Variants in APOL6 observed in about 807,000 individuals in gnomAD.
APOL6 encodes the protein apolipoprotein L, 6.
Under a neutral mutation model 2.4 loss-of-function variants are expected in APOL6, and 1 was observed. That is an observed-to-expected ratio of 0.41 (90% CI 0.15 to 1.94). The LOEUF (loss-of-function observed/expected upper bound fraction) is 1.94. APOL6 is among the 30% of genes most tolerant of loss of function. APOL6 has a pLI of 0.30. For missense variants in APOL6, 438 were observed against 429.2 expected (o/e 1.02, Z -0.18); for synonymous variants, 189 against 169.3 (o/e 1.12, Z -0.90).
At chr22:35,656,276 G>A in intron 1 of APOL6, 103 bp from the exon 2 acceptor site, 1 of 841,858 alleles carries the variant, frequency 1.2e-6, no homozygotes, top group Non-Finnish European at 2.0e-6. Context: ...TATGCTATGT[G>A]GTTGTTATTT....
In APOL6 at chr22:35,660,106, G is replaced by A. The variant is rs536785757; in HGVS notation, c.*510G>A. 820 of 159,232 alleles carry A rather than the reference G, an allele frequency of 5.1e-3. 5 individuals carry two copies. The highest frequency in any genetic ancestry group is 0.018 in the African/African-American group (765 of 41,608). 9.9% of individuals were successfully genotyped at this position (159,232 alleles called of 1,614,324 possible). A position where few individuals can be genotyped will look rare whatever the true frequency, so the allele number is the denominator to read the frequency against. ...TTAACAAAGAGGTCACAGAGCCACAGGCGGAGTTAGGAACTAAATTGTCTC... is the reference window on the plus strand; with the variant it reads ...TTAACAAAGAGGTCACAGAGCCACAAGCGGAGTTAGGAACTAAATTGTCTC... On this transcript the variant is annotated 3_prime_UTR_variant, in exon 3 of 3. Transcript: ENST00000409652.
chr22:35,654,559 T>C (rs892218364), intron 1 of APOL6, among the ~76,000 whole-genome samples: 5 of 151,534 alleles, frequency 3.3e-5, no homozygotes, highest in African/African-American at 7.3e-5. Context: ...TATATATGTA[T>C]ATATACACAC....
rs896514685 is a variant in APOL6 at position 35,648,533 on chromosome 22, C to G, written c.-138C>G. The G allele has an allele frequency of 6.6e-6, 1 of 152,362 alleles. No individual in the cohort carries two copies. The highest frequency in any genetic ancestry group is 1.5e-5 in the Non-Finnish European group (1 of 68,164). The allele number at this position is 152,362 out of a possible 1,614,324, so 9.4% of individuals were successfully genotyped here. On this transcript the variant is annotated 5_prime_UTR_variant, in exon 1 of 3. Coordinates refer to ENST00000409652, the MANE Select transcript of APOL6 (RefSeq NM_030641.4). ...CAGACACTCACAGCCCCCTGCCAGA[C>G]CAGGGGACCTCGGAGAGGCAAGGAC... is the stretch of plus-strand genomic sequence containing the variant.
At chr22:35,650,725 T>C (rs530667631) in intron 1 of APOL6, among the ~76,000 whole-genome samples, 1 of 151,178 alleles carries the variant, frequency 6.6e-6, no homozygotes, top group Non-Finnish European at 1.5e-5. Flanking sequence ...AGGTCAGGAG[T>C]TCAAGACCAG....
In APOL6 at chr22:35,659,862, T is replaced by C. The variant is rs527290857; in HGVS notation, c.*266T>C. 2 of 436,806 alleles carry C rather than the reference T, an allele frequency of 4.6e-6. No individual in the cohort carries two copies. Among genetic ancestry groups the C allele is most frequent in the Admixed American group, 3.6e-5 (1 of 27,708 alleles). The allele number at this position is 436,806 out of a possible 1,614,324, so 27.1% of individuals were successfully genotyped here. ...CTCACTGCAACCTCTGCCTCCTGAG[T>C]GCAAGCAAGTCTCCTGCCTCAGCCT... On this transcript the variant is annotated 3_prime_UTR_variant, in exon 3 of 3. Coordinates refer to ENST00000409652, the MANE Select transcript of APOL6 (RefSeq NM_030641.4).
At position 35,660,835 on chromosome 22, in the gene APOL6, T is replaced by C. The variant is rs1201419768; in HGVS notation, c.*1239T>C. The C allele has an allele frequency of 3.9e-5, 6 of 152,238 alleles. No individual in the cohort carries two copies. The highest frequency in any genetic ancestry group is 2.9e-5 in the Non-Finnish European group (2 of 68,050). 9.4% of individuals were successfully genotyped at this position (152,238 alleles called of 1,614,324 possible). ...ATGACTCTATCACCTACCAAAAGGC[T>C]CCACTTCTTTATACTATTGGAGGGG... On this transcript the variant is annotated 3_prime_UTR_variant, in exon 3 of 3. Transcript: ENST00000409652.
chr22:35,663,641 T>A lies in APOL6; in HGVS notation c.*4045T>A, dbSNP rs1430720635. Reference sequence around the variant, plus strand: ...TAAGGAAGAATGTAGTTTCGTTTTATGTTTAATATCGCTCAAAGAAAAATA... The same window carrying A: ...TAAGGAAGAATGTAGTTTCGTTTTAAGTTTAATATCGCTCAAAGAAAAATA... On this transcript the variant is annotated 3_prime_UTR_variant, in exon 3 of 3. Coordinates refer to ENST00000409652, the MANE Select transcript of APOL6 (RefSeq NM_030641.4). 2.0e-5 allele frequency: 3 copies of A among 152,190 alleles called. No individual in the cohort carries two copies. Among genetic ancestry groups the A allele is most frequent in the African/African-American group, 7.2e-5 (3 of 41,442 alleles). 9.4% of individuals were successfully genotyped at this position (152,190 alleles called of 1,614,324 possible). A position where few individuals can be genotyped will look rare whatever the true frequency, so the allele number is the denominator to read the frequency against.
At chr22:35,648,840 G>A (rs1397195235) in intron 1 of APOL6, among the ~76,000 whole-genome samples, 1 of 152,238 alleles carries the variant, frequency 6.6e-6, no homozygotes, top group African/African-American at 2.4e-5. Context: ...AGCCATTTCA[G>A]GGTTAAATTG....
intron 1 of APOL6, among the ~76,000 whole-genome samples, chr22:35,652,319 T>A (rs9622241): frequency 0.09 from 13,706 of 152,208 alleles, 856 homozygotes; most frequent in Admixed American, 0.17. Context: ...ATGAGTAGAT[T>A]GCAAAAATTT....
At position 35,651,764 on chromosome 22, in the gene APOL6, A is replaced by G. The variant is rs374317287; in HGVS notation, c.-48+3141A>G. Among the ~76,000 whole-genome samples the G allele has an allele frequency of 1.1e-4, 16 of 152,318 alleles. 1 individual carries two copies. In the East Asian group the frequency reaches 1.2e-3, roughly 11 times the overall value. ...ATGGCTGCATAGTATTCCATGGTGT[A>G]TATGTGCCACATTTTCTTAATCCAG... On this transcript the variant is annotated intron_variant, in intron 1 of 2. Coordinates refer to ENST00000409652, the MANE Select transcript of APOL6 (RefSeq NM_030641.4).
At chr22:35,654,344 G>A (rs1924783135) in intron 1 of APOL6, among the ~76,000 whole-genome samples, 1 of 152,104 alleles carries the variant, frequency 6.6e-6, no homozygotes, top group East Asian at 1.9e-4. Context: ...TGTTTCCCCA[G>A]ACAAGCAGCC....
At chr22:35,658,280 C>T (rs1924901619) in intron 2 of APOL6, among the ~76,000 whole-genome samples, 1 of 152,154 alleles carries the variant, frequency 6.6e-6, no homozygotes, top group Non-Finnish European at 1.5e-5. Flanking sequence ...TTTAACATTT[C>T]CCCACTGCCC....
chr22:35,652,282 A>C (rs948481763), intron 1 of APOL6, among the ~76,000 whole-genome samples: 8 of 145,008 alleles, frequency 5.5e-5, no homozygotes, highest in African/African-American at 2.0e-4. Context: ...GAGTTCATGT[A>C]GATTCTGGAT....
In APOL6 at chr22:35,651,093, G is replaced by A. The variant is rs16995908; in HGVS notation, c.-48+2470G>A. On this transcript the variant is annotated intron_variant, in intron 1 of 2. Coordinates refer to ENST00000409652, the MANE Select transcript of APOL6 (RefSeq NM_030641.4). ...ATATCTAGGAAACAGCATTTCTGCC[G>A]TAAGCGCTGGACCAAGTACCAAATG... is the stretch of plus-strand genomic sequence containing the variant. Among the ~76,000 whole-genome samples, 1,196 of 152,210 alleles carry A rather than the reference G, an allele frequency of 7.9e-3. 32 individuals carry two copies. In the South Asian group the frequency reaches 0.092, roughly 12 times the overall value.
rs1440318786 is a variant in APOL6 at position 35,664,185 on chromosome 22, T to G, written c.*4589T>G. On this transcript the variant is annotated 3_prime_UTR_variant, in exon 3 of 3. Transcript: ENST00000409652. ...AATCAAACAGTTTTATACTTATCCC[T>G]GCCAAATACCAGAAGGTGTCAAAAT... 1 of 152,222 alleles carries G rather than the reference T, an allele frequency of 6.6e-6. No homozygotes were observed. The highest frequency in any genetic ancestry group is 1.5e-5 in the Non-Finnish European group (1 of 68,036). The allele number at this position is 152,222 out of a possible 1,614,324, so 9.4% of individuals were successfully genotyped here. A position where few individuals can be genotyped will look rare whatever the true frequency, so the allele number is the denominator to read the frequency against.
chr22:35,655,858 A>G (rs1924831390), intron 1 of APOL6, among the ~76,000 whole-genome samples: 1 of 152,154 alleles, frequency 6.6e-6, no homozygotes, highest in Non-Finnish European at 1.5e-5. Flanking sequence ...ATACATCTCC[A>G]ACAATGAACA....
intron 1 of APOL6, among the ~76,000 whole-genome samples, chr22:35,656,087 A>G (rs1352183213): frequency 2.0e-5 from 3 of 152,204 alleles, no homozygotes; most frequent in Non-Finnish European, 4.4e-5. Context: ...CTTCTTCTCA[A>G]TTACATTTGG....
chr22:35,666,903 T>C lies in APOL6; in HGVS notation c.*7307T>C, dbSNP rs925212369. On this transcript the variant is annotated 3_prime_UTR_variant, in exon 3 of 3. Coordinates refer to ENST00000409652, the MANE Select transcript of APOL6 (RefSeq NM_030641.4). ...AAAATTTGGAGCATATTTGTTTCTC[T>C]CTACCTGATTTCTCCAGAATTCAGA... The C allele has an allele frequency of 6.6e-5, 10 of 152,252 alleles. No individual in the cohort carries two copies. Among genetic ancestry groups the C allele is most frequent in the African/African-American group, 2.4e-4 (10 of 41,472 alleles). 9.4% of individuals were successfully genotyped at this position (152,252 alleles called of 1,614,324 possible).
At position 35,666,915 on chromosome 22, in the gene APOL6, CT is replaced by C. The variant is rs1238149943; in HGVS notation, c.*7320del. ...ATATTTGTTTCTCTCTACCTGATTT[CT>C]CCAGAATTCAGAAACTATTTGTAAG... On this transcript the variant is annotated 3_prime_UTR_variant, in exon 3 of 3. Coordinates refer to ENST00000409652, the MANE Select transcript of APOL6 (RefSeq NM_030641.4). 8 of 152,238 alleles carry C rather than the reference CT, an allele frequency of 5.3e-5. No individual in the cohort carries two copies. The highest frequency in any genetic ancestry group is 1.9e-4 in the African/African-American group (8 of 41,458). The allele number at this position is 152,238 out of a possible 1,614,324, so 9.4% of individuals were successfully genotyped here. A position where few individuals can be genotyped will look rare whatever the true frequency, so the allele number is the denominator to read the frequency against.
Sources: allele counts gnomAD v4.1 joint callset (sites outside exome capture counted in the v4.1 genomes callset), GRCh38; gene constraint gnomAD v4.1.1; transcripts MANE v1.5; gene names NCBI Gene and HGNC (gene_info 2026-07-23, HGNC 2026-07-21).